NDUFS1: variants seen among roughly 807,000 people sequenced by gnomAD.
NDUFS1 encodes NADH:ubiquinone oxidoreductase core subunit S1.
In NDUFS1, 61 loss-of-function variants were observed where a neutral mutation model predicts 84.4. That is an observed-to-expected ratio of 0.72 (90% CI 0.59 to 0.89). The LOEUF is 0.89. Ranked by LOEUF, NDUFS1 falls within the 40% of genes least tolerant of loss-of-function variation. The pLI is 0.00. For synonymous variants in NDUFS1, 275 were observed against 290.0 expected (o/e 0.95, Z 0.53); for missense variants, 891 against 890.0 (o/e 1.00, Z -0.01).
intron 15 of NDUFS1, among the ~76,000 whole-genome samples, chr2:206,128,231 T>A (rs567562558): frequency 6.6e-6 from 1 of 152,108 alleles, no homozygotes; most frequent in Non-Finnish European, 1.5e-5. Flanking sequence ...AGTGGTGCAA[T>A]CTTGGCTCAC....
At chr2:206,151,057 A>G (rs1446355653) in intron 3 of NDUFS1, among the ~76,000 whole-genome samples, 1 of 152,022 alleles carries the variant, frequency 6.6e-6, no homozygotes, top group East Asian at 1.9e-4. Context: ...GACACTATCT[A>G]TTTTAGGGCT....
At position 206,132,901 on chromosome 2, in the gene NDUFS1, A is replaced by G. The variant is rs763800776; in HGVS notation, c.1553+44T>C. ...TATCAGGAACACATACATATACACAACATTACTTGAATTTATAGTATATAA... is the reference window on the plus strand; with the variant it reads ...TATCAGGAACACATACATATACACAGCATTACTTGAATTTATAGTATATAA... On this transcript the variant is annotated intron_variant, in intron 14 of 18. Coordinates refer to ENST00000233190, the MANE Select transcript of NDUFS1 (RefSeq NM_005006.7). 15 of 1,540,642 alleles carry G rather than the reference A, an allele frequency of 9.7e-6. No individual in the cohort carries two copies. The South Asian group carries it at 1.7e-4, about 17-fold the overall frequency.
At chr2:206,154,772 C>T (rs995122980) in intron 1 of NDUFS1, among the ~76,000 whole-genome samples, 3 of 152,000 alleles carry the variant, frequency 2.0e-5, no homozygotes, top group Non-Finnish European at 2.9e-5. Flanking sequence ...TACAGGCACC[C>T]GCCACCACAC....
intron 5 of NDUFS1, among the ~76,000 whole-genome samples, chr2:206,148,469 G>C (rs770422557): frequency 1.9e-4 from 29 of 151,970 alleles, no homozygotes; most frequent in Non-Finnish European, 3.7e-4. Context: ...CTAGAATAAA[G>C]TATCATTAGA....
intron 1 of NDUFS1, among the ~76,000 whole-genome samples, chr2:206,157,962 G>GCTTCTT (rs200320257): frequency 2.7e-5 from 2 of 74,622 alleles, no homozygotes; most frequent in African/African-American, 1.7e-4. Flanking sequence ...TATTTCAATA[G>GCTTCTT]CTTTTTTTTT....
At position 206,124,089 on chromosome 2, in the gene NDUFS1, T is replaced by C. The variant is rs149402918; in HGVS notation, c.*96A>G. Reference sequence around the variant, plus strand: ...AAATATTACATGATTCAAATTATTATTATTTTTTTTTACAAAGAAATAAAC... The same window carrying C: ...AAATATTACATGATTCAAATTATTACTATTTTTTTTTACAAAGAAATAAAC... On this transcript the variant is annotated 3_prime_UTR_variant, in exon 19 of 19. Coordinates refer to ENST00000233190, the MANE Select transcript of NDUFS1 (RefSeq NM_005006.7). 1.0e-5 allele frequency: 8 copies of C among 802,660 alleles called. No individual in the cohort carries two copies. The East Asian group carries it at 1.1e-4, about 11-fold the overall frequency. 49.7% of individuals were successfully genotyped at this position (802,660 alleles called of 1,614,324 possible).
At chr2:206,144,156 T>C (rs756051148) in intron 9 of NDUFS1, 24 bp from the exon 10 acceptor site, 1 of 1,520,066 alleles carries the variant, frequency 6.6e-7, no homozygotes, top group Non-Finnish European at 9.1e-7. Flanking sequence ...ATTACACCAT[T>C]GTGGAATCTT....
rs1016895347 is a variant in NDUFS1, at chr2:206,122,688, T to C, written c.*1497A>G. The C allele has an allele frequency of 4.0e-5, 6 of 149,994 alleles. No individual in the cohort carries two copies. Among genetic ancestry groups the C allele is most frequent in the Admixed American group, 1.3e-4 (2 of 15,042 alleles). The allele number at this position is 149,994 out of a possible 1,614,324, so 9.3% of individuals were successfully genotyped here. ...TCCTATACTTGGGCTGAGTCTTTAG[T>C]GAAAGCAGAAAAGAATAAGGATTAC... On this transcript the variant is annotated 3_prime_UTR_variant, in exon 19 of 19. Coordinates refer to ENST00000233190, the MANE Select transcript of NDUFS1 (RefSeq NM_005006.7).
chr2:206,136,046 TTC>T (rs1691697736), intron 13 of NDUFS1, among the ~76,000 whole-genome samples: 1 of 151,748 alleles, frequency 6.6e-6, no homozygotes, highest in African/African-American at 2.4e-5. Context: ...TTTTTTTTTT[TTC>T]TTTCTTCTTT....
intron 13 of NDUFS1, among the ~76,000 whole-genome samples, chr2:206,135,545 C>T (rs1007856905): frequency 4.6e-5 from 7 of 151,618 alleles, no homozygotes; most frequent in Admixed American, 2.0e-4. Flanking sequence ...TGGTGGCGTG[C>T]GCCTGTAGTC....
chr2:206,133,065 C>T lies in NDUFS1; in HGVS notation c.1433G>A (p.Ser478Asn), dbSNP rs1691577087. 1 of 1,613,512 alleles carries T rather than the reference C, an allele frequency of 6.2e-7. No individual in the cohort carries two copies. The highest frequency in any genetic ancestry group is 1.3e-5 in the African/African-American group (1 of 74,908). The change falls in exon 14 of 19, where the codon AGT becomes AAT. Residue 478 changes from serine to asparagine, a missense_variant. Transcript: ENST00000233190. ...TCCATCATTTCTTTGGAGTGCAGAA[C>T]TGCCTAAAACCACCATTGGTTTTTT... The part of the protein sequence containing the change: ...EAKKPMVVLG[S>N]SALQRNDGAA...
At chr2:206,139,800 C>A (rs1016167182) in intron 12 of NDUFS1, among the ~76,000 whole-genome samples, 1 of 149,368 alleles carries the variant, frequency 6.7e-6, no homozygotes, top group East Asian at 2.0e-4. Context: ...TATGGTTACC[C>A]TCTTTATAAA....
At chr2:206,142,117 TAC>T in intron 11 of NDUFS1, 48 bp from the exon 12 acceptor site, 3 of 1,488,830 alleles carry the variant, frequency 2.0e-6, no homozygotes, top group Non-Finnish European at 1.9e-6. Flanking sequence ...AATTAAGACA[TAC>T]AGAGAATCCA....
At chr2:206,135,542 G>A (rs185203237) in intron 13 of NDUFS1, among the ~76,000 whole-genome samples, 3 of 151,850 alleles carry the variant, frequency 2.0e-5, no homozygotes, top group Admixed American at 6.6e-5. Flanking sequence ...GCATGGTGGC[G>A]TGCGCCTGTA....
chr2:206,133,543 T>G (rs1408959665), intron 13 of NDUFS1, among the ~76,000 whole-genome samples: 1 of 152,190 alleles, frequency 6.6e-6, no homozygotes, highest in Non-Finnish European at 1.5e-5. Context: ...GGGAAAGCAA[T>G]GATCACCAGA....
chr2:206,126,762 T>C lies in NDUFS1; in HGVS notation c.1967A>G (p.Tyr656Cys), dbSNP rs1450543266. 1 of 1,614,220 alleles carries C rather than the reference T, an allele frequency of 6.2e-7. No homozygotes were observed. Among genetic ancestry groups the C allele is most frequent in the East Asian group, 2.2e-5 (1 of 44,876 alleles). ...LEEVSPNLVR[Y>C]DDIEGANYFQ... The stretch of plus-strand genomic sequence containing the variant: ...GTAATTAGCCCCTTCAATATCATCA[T>C]ATCGAACAAGATTAGGAGAGACTTC... The change falls in exon 17 of 19, where the codon TAT (tyrosine) becomes TGT (cysteine). Residue 656 changes from tyrosine to cysteine, a missense_variant. Tyr to Cys is a radical substitution (Grantham distance 194). Transcript: ENST00000233190.
chr2:206,123,992 C>T lies in NDUFS1; in HGVS notation c.*193G>A. On this transcript the variant is annotated 3_prime_UTR_variant, in exon 19 of 19. Coordinates refer to ENST00000233190, the MANE Select transcript of NDUFS1 (RefSeq NM_005006.7). The stretch of plus-strand genomic sequence containing the variant: ...GCATAGTTTTGTTATTTAACCTTTA[C>T]ACACAATACATGTTTTTCAAACTGC... 2 of 566,668 alleles carry T rather than the reference C, an allele frequency of 3.5e-6. No homozygotes were observed. Among genetic ancestry groups the T allele is most frequent in the Non-Finnish European group, 6.2e-6 (2 of 321,228 alleles). The allele number at this position is 566,668 out of a possible 1,614,324, so 35.1% of individuals were successfully genotyped here. A position where few individuals can be genotyped will look rare whatever the true frequency, so the allele number is the denominator to read the frequency against.
At chr2:206,136,162 TG>T (rs1463196564) in intron 13 of NDUFS1, among the ~76,000 whole-genome samples, 6 of 151,034 alleles carry the variant, frequency 4.0e-5, no homozygotes, top group African/African-American at 1.5e-4. Context: ...GTGATTCTCT[TG>T]CCCCAGCCTC....
At chr2:206,150,007 T>C in intron 3 of NDUFS1, 82 bp from the exon 4 acceptor site, 2 of 868,846 alleles carry the variant, frequency 2.3e-6, no homozygotes, top group Non-Finnish European at 3.8e-6. Flanking sequence ...AACACACACA[T>C]ACAGCATCTT....
Sources: gnomAD v4.1 joint callset for allele counts (sites outside exome capture counted in the v4.1 genomes callset) on GRCh38, gnomAD v4.1.1 for gene constraint, MANE v1.5 for transcripts, NCBI Gene and HGNC (gene_info 2026-07-23, HGNC 2026-07-21) for gene names.